Variants in DLG2 observed in about 807,000 individuals in gnomAD.
The protein encoded by DLG2 is disks large homolog 2.
DLG2 carries 45 observed loss-of-function variants against 132.5 expected under a neutral mutation model. That is an observed-to-expected ratio of 0.34 (90% CI 0.27 to 0.44). The LOEUF (loss-of-function observed/expected upper bound fraction) is 0.44, where lower values mean the gene tolerates loss of function less well. DLG2 is among the 20% of genes least tolerant of loss of function. The pLI is 1.00. For synonymous variants in DLG2, 424 were observed against 419.6 expected (o/e 1.01, Z -0.13); for missense variants, 1,045 against 1,196.9 (o/e 0.87, Z 1.87).
At chr11:85,482,718 C>A (rs1404764549) in intron 3 of DLG2, among the ~76,000 whole-genome samples, 3 of 152,084 alleles carry the variant, frequency 2.0e-5, no homozygotes, top group Non-Finnish European at 4.4e-5. Context: ...GCCCACAGAC[C>A]CAGGCTCCAC....
At chr11:84,820,530 C>T (rs769318872) in intron 6 of DLG2, among the ~76,000 whole-genome samples, 5 of 151,858 alleles carry the variant, frequency 3.3e-5, no homozygotes, top group Non-Finnish European at 5.9e-5. Context: ...CAATCTTTTC[C>T]TCCAAATTCC....
At chr11:84,663,797 A>G (rs1195816470) in intron 6 of DLG2, among the ~76,000 whole-genome samples, 1 of 152,134 alleles carries the variant, frequency 6.6e-6, no homozygotes, top group Non-Finnish European at 1.5e-5. Flanking sequence ...AAGTTCCCAT[A>G]TCTAATTCTT....
chr11:84,737,502 CAGAGAGAGAGAG>C (rs34535735), intron 6 of DLG2, among the ~76,000 whole-genome samples: 1 of 147,008 alleles, frequency 6.8e-6, no homozygotes, highest in African/African-American at 2.5e-5. Context: ...AAGAAAGAGA[CAGAGAGAGAGAG>C]AGAGAGAGAG....
intron 6 of DLG2, chr11:84,720,711 C>G (rs2061725025): frequency 6.5e-6 from 1 of 153,486 alleles, no homozygotes; most frequent in Non-Finnish European, 1.4e-5. Flanking sequence ...TAAAAGGAAG[C>G]CAGGCACTTA....
chr11:84,082,233 AAG>A (rs1306334132), intron 10 of DLG2, among the ~76,000 whole-genome samples: 2 of 152,166 alleles, frequency 1.3e-5, no homozygotes, highest in African/African-American at 4.8e-5. Flanking sequence ...AATATTTTTA[AAG>A]TACAATGCCT....
intron 18 of DLG2, among the ~76,000 whole-genome samples, chr11:83,675,883 A>G (rs935832946): frequency 3.3e-5 from 5 of 152,148 alleles, no homozygotes; most frequent in African/African-American, 1.2e-4. Context: ...CTGGAAGCCA[A>G]TTTAAGGACA....
chr11:84,037,109 C>T (rs2095886708), intron 11 of DLG2, among the ~76,000 whole-genome samples: 1 of 152,070 alleles, frequency 6.6e-6, no homozygotes. Context: ...CGAGGAGATC[C>T]ATGTAACAGG....
intron 21 of DLG2, among the ~76,000 whole-genome samples, chr11:83,505,436 A>G (rs1013705228): frequency 1.3e-5 from 2 of 152,122 alleles, no homozygotes; most frequent in Admixed American, 6.5e-5. Context: ...GCTGGGGAAA[A>G]AGACTGAGTG....
chr11:84,802,336 TAACA>T (rs2075494998), intron 6 of DLG2, among the ~76,000 whole-genome samples: 1 of 151,772 alleles, frequency 6.6e-6, no homozygotes, highest in South Asian at 2.1e-4. Context: ...TTAGGGGAAT[TAACA>T]AGGAATAATG....
intron 15 of DLG2, among the ~76,000 whole-genome samples, chr11:83,906,724 C>T (rs1596261127): frequency 6.6e-6 from 1 of 151,980 alleles, no homozygotes; most frequent in South Asian, 2.1e-4. Context: ...GAAACTTCAC[C>T]AAGGTAATTG....
intron 6 of DLG2, among the ~76,000 whole-genome samples, chr11:85,105,208 T>A (rs1316840959): frequency 6.6e-6 from 1 of 151,948 alleles, no homozygotes; most frequent in African/African-American, 2.4e-5. Context: ...ACACTGGGAA[T>A]GCCCTTTCAT....
chr11:84,916,141 C>G (rs1214751229), intron 6 of DLG2, among the ~76,000 whole-genome samples: 1 of 151,288 alleles, frequency 6.6e-6, no homozygotes, highest in Admixed American at 6.6e-5. Flanking sequence ...GTCAGGAGAT[C>G]GAGACCATCC....
At chr11:84,287,566 C>T (rs1599113324) in intron 7 of DLG2, among the ~76,000 whole-genome samples, 1 of 152,124 alleles carries the variant, frequency 6.6e-6, no homozygotes, top group Non-Finnish European at 1.5e-5. Flanking sequence ...CTACTCCCTG[C>T]TCTAATCAAT....
intron 7 of DLG2, among the ~76,000 whole-genome samples, chr11:84,529,500 C>T (rs1004182610): frequency 1.2e-4 from 19 of 152,108 alleles, no homozygotes; most frequent in Admixed American, 2.0e-4. Flanking sequence ...CTACCAACAA[C>T]ATCCAAGCTG....
chr11:83,457,681 A>G lies in DLG2; in HGVS notation c.*2137T>C, dbSNP rs1470120680. The G allele has an allele frequency of 2.0e-5, 3 of 152,366 alleles. No individual in the cohort carries two copies. Among genetic ancestry groups the G allele is most frequent in the Non-Finnish European group, 4.4e-5 (3 of 68,032 alleles). 9.4% of individuals were successfully genotyped at this position (152,366 alleles called of 1,614,324 possible). A position where few individuals can be genotyped will look rare whatever the true frequency, so the allele number is the denominator to read the frequency against. On this transcript the variant is annotated 3_prime_UTR_variant, in exon 28 of 28. Transcript: ENST00000376104. ...ACCAAAGAAGTTATCGTGGTGGCCT[A>G]AAAATAGAGCTGGGATCAGGAATGG...
chr11:84,304,623 T>C (rs1244505006), intron 7 of DLG2, among the ~76,000 whole-genome samples: 1 of 152,174 alleles, frequency 6.6e-6, no homozygotes, highest in Non-Finnish European at 1.5e-5. Flanking sequence ...CAAAAACAGC[T>C]ACAGACAATA....
chr11:85,200,005 C>T (rs1041388938), intron 4 of DLG2, among the ~76,000 whole-genome samples: 2 of 150,132 alleles, frequency 1.3e-5, no homozygotes, highest in Non-Finnish European at 3.0e-5. Context: ...AGAATAAGAA[C>T]AAACATGCTC....
intron 6 of DLG2, among the ~76,000 whole-genome samples, chr11:84,732,844 A>G (rs372436399): frequency 6.7e-6 from 1 of 148,440 alleles, no homozygotes; most frequent in Non-Finnish European, 1.5e-5. Context: ...CCTGTGTCCA[A>G]GTGTTCTCAT....
At chr11:85,507,302 G>A (rs982014042) in intron 3 of DLG2, among the ~76,000 whole-genome samples, 1 of 152,148 alleles carries the variant, frequency 6.6e-6, no homozygotes, top group Non-Finnish European at 1.5e-5. Flanking sequence ...TTTCTTCCTA[G>A]CATCAGTGGT....
Sources: gnomAD v4.1 joint callset for allele counts (sites outside exome capture counted in the v4.1 genomes callset) on GRCh38, gnomAD v4.1.1 for gene constraint, MANE v1.5 for transcripts, NCBI Gene and HGNC (gene_info 2026-07-23, HGNC 2026-07-21) for gene names.